SLC22A16: variants seen among roughly 807,000 people sequenced by gnomAD.
SLC22A16 encodes solute carrier family 22 member 16.
SLC22A16 carries 53 observed loss-of-function variants against 52.9 expected under a neutral mutation model. That is an observed-to-expected ratio of 1.00 (90% CI 0.80 to 1.26). SLC22A16 has a LOEUF of 1.26. Among genes scored for constraint, SLC22A16 ranks in the 50% most tolerant of loss-of-function variants. The pLI, the probability that SLC22A16 is intolerant of heterozygous loss-of-function variation, is 0.00. For missense variants in SLC22A16, 726 were observed against 704.0 expected, an observed-to-expected ratio of 1.03 and a Z score of -0.35; for synonymous variants, 291 against 268.8, an observed-to-expected ratio of 1.08 and a Z score of -0.81.
At chr6:110,440,708 C>T (rs1047435320) in intron 4 of SLC22A16, among the ~76,000 whole-genome samples, 2 of 151,978 alleles carry the variant, frequency 1.3e-5, no homozygotes, top group African/African-American at 2.4e-5. Flanking sequence ...ACCCAGGAGG[C>T]GGATATTGCA....
chr6:110,459,400 CTGT>C (rs1350192664), intron 1 of SLC22A16, among the ~76,000 whole-genome samples: 2 of 152,152 alleles, frequency 1.3e-5, no homozygotes, highest in Non-Finnish European at 2.9e-5. Flanking sequence ...CACTTCATCT[CTGT>C]TGTTGTCTTT....
intron 7 of SLC22A16, among the ~76,000 whole-genome samples, chr6:110,429,125 T>C (rs2114882017): frequency 6.6e-6 from 1 of 152,242 alleles, no homozygotes; most frequent in South Asian, 2.1e-4. Context: ...AAACACTTTC[T>C]CATTTTATCT....
At chr6:110,471,924 C>A (rs950779588) in intron 1 of SLC22A16, among the ~76,000 whole-genome samples, 1 of 152,184 alleles carries the variant, frequency 6.6e-6, no homozygotes, top group Admixed American at 6.5e-5. Flanking sequence ...GCCAGGCATG[C>A]CTAATCTGTC....
At chr6:110,473,800 C>G (rs1776358632) in intron 1 of SLC22A16, among the ~76,000 whole-genome samples, 1 of 151,940 alleles carries the variant, frequency 6.6e-6, no homozygotes, top group South Asian at 2.1e-4. Flanking sequence ...GCTGGGATTA[C>G]AGGCATGAAC....
In SLC22A16 at chr6:110,454,547, C is replaced by G. The variant is rs567160396; in HGVS notation, c.533+1991G>C. ...TTCCTTTACTTTCTTAATAAACTTG[C>G]TTTCACTAATATATATATTATATAT... On this transcript the variant is annotated intron_variant, in intron 2 of 7. Transcript: ENST00000368919. Among the ~76,000 whole-genome samples the G allele has an allele frequency of 2.4e-3, 276 of 115,546 alleles. 1 individual carries two copies. Among genetic ancestry groups the G allele is most frequent in the African/African-American group, 8.9e-3 (266 of 29,952 alleles). The allele number at this position is 115,546 out of a possible 152,430, so 75.8% of individuals were successfully genotyped here. A position where few individuals can be genotyped will look rare whatever the true frequency, so the allele number is the denominator to read the frequency against.
intron 7 of SLC22A16, among the ~76,000 whole-genome samples, chr6:110,428,388 C>T (rs1167033051): frequency 7.2e-5 from 11 of 152,314 alleles, no homozygotes; most frequent in Admixed American, 7.2e-4. Context: ...CAGGGACAGG[C>T]TGGACAAGGA....
chr6:110,450,358 T>C (rs1775329674), intron 2 of SLC22A16, among the ~76,000 whole-genome samples: 1 of 152,202 alleles, frequency 6.6e-6, no homozygotes, highest in African/African-American at 2.4e-5. Context: ...ATGCCTGTAA[T>C]CCCAGCACTT....
At chr6:110,465,756 C>T (rs1776038872) in intron 1 of SLC22A16, among the ~76,000 whole-genome samples, 2 of 151,950 alleles carry the variant, frequency 1.3e-5, no homozygotes, top group South Asian at 4.1e-4. Context: ...ATAGAATCAG[C>T]ATTATTTTTC....
intron 2 of SLC22A16, chr6:110,455,672 A>G (rs1775620669): frequency 1.3e-5 from 2 of 152,208 alleles, no homozygotes; most frequent in African/African-American, 4.8e-5. Flanking sequence ...TGGCCAGGTT[A>G]TGCTTTGAAT....
chr6:110,441,261 C>T (rs1194658864), intron 4 of SLC22A16, among the ~76,000 whole-genome samples: 1 of 152,168 alleles, frequency 6.6e-6, no homozygotes, highest in Non-Finnish European at 1.5e-5. Flanking sequence ...GTCTGGCTTA[C>T]AGAATTCTGA....
chr6:110,449,789 C>T (rs1363691219), intron 2 of SLC22A16, among the ~76,000 whole-genome samples: 1 of 152,198 alleles, frequency 6.6e-6, no homozygotes. Context: ...AAGTCTTCAC[C>T]ATTTCTTACA....
chr6:110,468,667 GAGAAGAAGA>G (rs147010194), intron 1 of SLC22A16, among the ~76,000 whole-genome samples: 4 of 148,918 alleles, frequency 2.7e-5, no homozygotes, highest in Admixed American at 2.0e-4. Context: ...AAACAAAATG[GAGAAGAAGA>G]AGAAGAAGAA....
At chr6:110,444,732 A>T (rs988197333) in intron 3 of SLC22A16, among the ~76,000 whole-genome samples, 10 of 152,176 alleles carry the variant, frequency 6.6e-5, no homozygotes, top group African/African-American at 2.4e-4. Context: ...AATCAGTTTA[A>T]TATTTTTGTG....
chr6:110,430,717 G>A (rs1774462033), intron 7 of SLC22A16, among the ~76,000 whole-genome samples: 1 of 152,196 alleles, frequency 6.6e-6, no homozygotes, highest in Admixed American at 6.5e-5. Flanking sequence ...CAGGTCAACT[G>A]AGAACCATGG....
In SLC22A16 at chr6:110,431,278, C is replaced by T; in HGVS notation, c.1422-8G>A. The T allele has an allele frequency of 6.2e-7, 1 of 1,610,460 alleles. No homozygotes were observed. Among genetic ancestry groups the T allele is most frequent in the Non-Finnish European group, 8.5e-7 (1 of 1,179,436 alleles). The stretch of plus-strand genomic sequence containing the variant: ...CTTCCCACAGCCAGCGATCTGGAAA[C>T]AGAGGAGAGAGGCTGAGACAAGTAA... On this transcript the variant is annotated splice_region_variant and splice_polypyrimidine_tract_variant and intron_variant, in intron 6 of 7. Coordinates refer to ENST00000368919, the MANE Select transcript of SLC22A16 (RefSeq NM_033125.4).
chr6:110,438,701 A>G lies in SLC22A16; in HGVS notation c.1311+19T>C, dbSNP rs78726829. 1,945 of 1,606,576 alleles carry G rather than the reference A, an allele frequency of 1.2e-3. 26 individuals carry two copies. In the African/African-American group the frequency reaches 0.024, roughly 20 times the overall value. Reference sequence around the variant, plus strand: ...CTGTCACAGTATAACTGTCTTATAAAAAACAGAAGATAACTCACCTGGGGG... The same window carrying G: ...CTGTCACAGTATAACTGTCTTATAAGAAACAGAAGATAACTCACCTGGGGG... On this transcript the variant is annotated intron_variant, in intron 5 of 7. Coordinates refer to ENST00000368919, the MANE Select transcript of SLC22A16 (RefSeq NM_033125.4).
chr6:110,442,717 T>A lies in SLC22A16; in HGVS notation c.710A>T (p.Lys237Met). The A allele has an allele frequency of 6.2e-7, 1 of 1,614,122 alleles. No homozygotes were observed. The highest frequency in any genetic ancestry group is 2.2e-5 in the East Asian group (1 of 44,880). The change falls in exon 4 of 8, where the codon AAG (lysine) becomes ATG (methionine). Residue 237 changes from lysine to methionine, a missense_variant. Lys to Met is a moderately conservative substitution (Grantham distance 95). Transcript: ENST00000368919. ...FVYVMEFIGMKSRTWASVHLH... is the reference protein window; with the variant it reads ...FVYVMEFIGMMSRTWASVHLH... ...ATGGACAGACGCCCATGTCCGAGAC[T>A]TCATGCCAATGAATTCCATCACATA...
intron 6 of SLC22A16, among the ~76,000 whole-genome samples, chr6:110,433,015 C>T (rs776072181): frequency 3.9e-5 from 6 of 152,166 alleles, no homozygotes; most frequent in African/African-American, 7.2e-5. Context: ...CCTTTGGCCA[C>T]GACCCTAATC....
rs1009000782 is a variant in SLC22A16, at chr6:110,450,567, G to A, written c.534-3577C>T. Among the ~76,000 whole-genome samples, 11 of 127,074 alleles carry A rather than the reference G, an allele frequency of 8.7e-5. 1 individual carries two copies. The highest frequency in any genetic ancestry group is 4.9e-4 in the South Asian group (2 of 4,068). 83.4% of individuals were successfully genotyped at this position (127,074 alleles called of 152,430 possible). A position where few individuals can be genotyped will look rare whatever the true frequency, so the allele number is the denominator to read the frequency against. On this transcript the variant is annotated intron_variant, in intron 2 of 7. Transcript: ENST00000368919. ...GCAGAAGTTGCAGTGATCCAAGATC[G>A]CACCACTGCACTTCAGCCTGGGCAA... is the stretch of plus-strand genomic sequence containing the variant.
Sources: gnomAD v4.1 joint callset for allele counts (sites outside exome capture counted in the v4.1 genomes callset) on GRCh38, gnomAD v4.1.1 for gene constraint, MANE v1.5 for transcripts, NCBI Gene and HGNC (gene_info 2026-07-23, HGNC 2026-07-21) for gene names.